NLGN2: variants seen among roughly 807,000 people sequenced by gnomAD.
The protein encoded by NLGN2 is neuroligin 2.
In NLGN2, 11 loss-of-function variants were observed where a neutral mutation model predicts 48.6. The observed-to-expected ratio is 0.23, with a 90% CI of 0.14 to 0.37. The LOEUF (loss-of-function observed/expected upper bound fraction) is 0.37. NLGN2 is among the 10% of genes least tolerant of loss of function. NLGN2 has a pLI of 1.00. For synonymous variants in NLGN2, 548 were observed against 550.0 expected (o/e 1.00, Z 0.05); for missense variants, 801 against 1,225.2 (o/e 0.65, Z 5.17).
In NLGN2 at chr17:7,415,734, C is replaced by G; in HGVS notation, c.1261C>G (p.Pro421Ala). 1 of 1,614,230 alleles carries G rather than the reference C, an allele frequency of 6.2e-7. No homozygotes were observed. Among genetic ancestry groups the G allele is most frequent in the Non-Finnish European group, 8.5e-7 (1 of 1,180,048 alleles). The part of the protein sequence containing the change: ...SNFVDNLYGY[P>A]EGKDVLRETI... The stretch of plus-strand genomic sequence containing the variant: ...CTTTGTGGACAACCTGTATGGCTAC[C>G]CGGAAGGCAAGGATGTGCTTCGGGA... Residue 421 changes from proline (P) to alanine (A), a missense_variant, in exon 6 of 7, where the codon CCG becomes GCG. By Grantham distance (27) the Pro-to-Ala change is conservative. Around this residue, in one of 5 missense-constraint regions of NLGN2, gnomAD observed 303 missense variants for 600.1 expected, o/e 0.50. Transcript: ENST00000302926.
At position 7,415,815 on chromosome 17, in the gene NLGN2, C is replaced by T. The variant is rs1907079422; in HGVS notation, c.1342C>T (p.Arg448Cys). 3 of 1,613,908 alleles carry T rather than the reference C, an allele frequency of 1.9e-6. No homozygotes were observed. Among genetic ancestry groups the T allele is most frequent in the Non-Finnish European group, 1.7e-6 (2 of 1,180,020 alleles). Residue 448 changes from arginine to cysteine, a missense_variant, in exon 6 of 7, where the codon CGC (arginine) becomes TGC (cysteine). Transcript: ENST00000302926. ...WADRDNGEMR[R>C]KTLLALFTDH... Reference sequence around the variant, plus strand: ...CGACCGGGACAATGGCGAAATGCGCCGCAAAACCCTGCTGGCGCTCTTTAC... The same window carrying T: ...CGACCGGGACAATGGCGAAATGCGCTGCAAAACCCTGCTGGCGCTCTTTAC...
chr17:7,411,893 C>CA lies in NLGN2; in HGVS notation c.458-263dup, dbSNP rs1906911262. 6.6e-6 allele frequency among the ~76,000 whole-genome samples: 1 copy of CA among 152,088 alleles called. No homozygotes were observed. Among genetic ancestry groups the CA allele is most frequent in the East Asian group, 1.9e-4 (1 of 5,178 alleles). ...CAGGCCTCAGCCCACTCAGGCACCC[C>CA]ACCCCCCCAAAACCAGCCTTTTCTT... On this transcript the variant is annotated intron_variant, in intron 1 of 6. Coordinates refer to ENST00000302926, the MANE Select transcript of NLGN2 (RefSeq NM_020795.4). The surrounding 1 kb of genome is among the most constrained non-coding windows in gnomAD (Gnocchi z 4.5).
In NLGN2 at chr17:7,415,541, T is replaced by C. The variant is rs1039410018; in HGVS notation, c.1068T>C (p.Asp356=). 5 of 1,614,248 alleles carry C rather than the reference T, an allele frequency of 3.1e-6. No individual in the cohort carries two copies. Among genetic ancestry groups the C allele is most frequent in the Non-Finnish European group, 4.2e-6 (5 of 1,180,026 alleles). The part of the protein sequence containing the change: ...RYHIAFGPVV[D]GDVVPDDPEI... ...ACATCGCCTTTGGGCCCGTGGTGGA[T>C]GGCGACGTGGTCCCCGATGACCCTG... The change falls in exon 6 of 7, where the codon GAT becomes GAC. Residue 356 remains aspartate (D), a synonymous_variant. Transcript: ENST00000302926.
At position 7,418,503 on chromosome 17, in the gene NLGN2, G is replaced by T. The variant is rs557082273; in HGVS notation, c.*704G>T. 6.6e-6 allele frequency: 1 copy of T among 152,386 alleles called. No homozygotes were observed. The highest frequency in any genetic ancestry group is 2.1e-4 in the South Asian group (1 of 4,830). 9.4% of individuals were successfully genotyped at this position (152,386 alleles called of 1,614,324 possible). A position where few individuals can be genotyped will look rare whatever the true frequency, so the allele number is the denominator to read the frequency against. On this transcript the variant is annotated 3_prime_UTR_variant, in exon 7 of 7. Coordinates refer to ENST00000302926, the MANE Select transcript of NLGN2 (RefSeq NM_020795.4). ...GGGGAGGGAGGAGTCCACGCATCCT[G>T]ATGCTGCCTGGAAGCTTATTTTCCC...
chr17:7,412,606 TC>T (rs1419804506), intron 2 of NLGN2, among the ~76,000 whole-genome samples: 8 of 151,198 alleles, frequency 5.3e-5, no homozygotes, highest in African/African-American at 1.9e-4. Flanking sequence ...AAACAACAGT[TC>T]AAAAAAAATT....
At chr17:7,416,412 T>C (rs1171362394) in intron 6 of NLGN2, among the ~76,000 whole-genome samples, 1 of 151,992 alleles carries the variant, frequency 6.6e-6, no homozygotes, top group East Asian at 1.9e-4. Flanking sequence ...GGCTGACTGC[T>C]CAGGTGTGTG....
At chr17:7,416,660 G>A (rs1338051375) in intron 6 of NLGN2, among the ~76,000 whole-genome samples, 1 of 152,050 alleles carries the variant, frequency 6.6e-6, no homozygotes, top group Non-Finnish European at 1.5e-5. Context: ...GGCTATCTCT[G>A]TGTGTGTCCC....
Position 7,417,844 on chromosome 17 carries a change from C to T in NLGN2, c.*45C>T, listed in dbSNP as rs1221702722. Reference sequence around the variant, plus strand: ...TCCTCCCCGGCCCTCCCTGGCCCGGCCACTCCGAAGGCAGGGAGGAGGACT... The same window carrying T: ...TCCTCCCCGGCCCTCCCTGGCCCGGTCACTCCGAAGGCAGGGAGGAGGACT... On this transcript the variant is annotated 3_prime_UTR_variant, in exon 7 of 7. Coordinates refer to ENST00000302926, the MANE Select transcript of NLGN2 (RefSeq NM_020795.4). 1.5e-6 allele frequency: 2 copies of T among 1,351,116 alleles called. No homozygotes were observed. The highest frequency in any genetic ancestry group is 9.4e-7 in the Non-Finnish European group (1 of 1,058,872). 83.7% of individuals were successfully genotyped at this position (1,351,116 alleles called of 1,614,324 possible).
Position 7,408,818 on chromosome 17 carries a change from G to A in NLGN2, c.457+106G>A. ...CTCTAGGGCTCAGAGCTGGGCCTTTGTGGGGGCAGTGAGGGACGGAGTGTC... is the reference window on the plus strand; with the variant it reads ...CTCTAGGGCTCAGAGCTGGGCCTTTATGGGGGCAGTGAGGGACGGAGTGTC... On this transcript the variant is annotated intron_variant, in intron 1 of 6. Coordinates refer to ENST00000302926, the MANE Select transcript of NLGN2 (RefSeq NM_020795.4). The surrounding 1 kb of genome is among the most constrained non-coding windows in gnomAD (Gnocchi z 7.5). 6.3e-7 allele frequency: 1 copy of A among 1,591,424 alleles called. No homozygotes were observed. The highest frequency in any genetic ancestry group is 1.1e-5 in the South Asian group (1 of 89,188).
chr17:7,417,536 CG>C lies in NLGN2; in HGVS notation c.2249del (p.Gly750ValfsTer39). The C allele has an allele frequency of 6.8e-7, 1 of 1,480,642 alleles. No individual in the cohort carries two copies. The highest frequency in any genetic ancestry group is 8.9e-7 in the Non-Finnish European group (1 of 1,119,898). The allele number at this position is 1,480,642 out of a possible 1,614,324, so 91.7% of individuals were successfully genotyped here. ...GGAGCTGGTGTCACTGCAGCTGAAG[CG>C]GGGTGGTGGCGTCGGGGCGGACCCT... ...EEELVSLQLK[R>X]GGGVGADPAE... is the part of the protein sequence containing the mutation. On this transcript the variant is annotated frameshift_variant, in exon 7 of 7. Transcript: ENST00000302926. LOFTEE classifies it high-confidence loss of function.
At chr17:7,409,045 G>A (rs1376875374) in intron 1 of NLGN2, among the ~76,000 whole-genome samples, 1 of 152,080 alleles carries the variant, frequency 6.6e-6, no homozygotes, top group Non-Finnish European at 1.5e-5. Flanking sequence ...CCACGGAGGG[G>A]GAATCAGGTG....
In NLGN2 at chr17:7,415,904, C is replaced by T. The variant is rs766805341; in HGVS notation, c.1431C>T (p.Pro477=). The change falls in exon 6 of 7, where the codon CCC becomes CCT. Residue 477 remains proline, a synonymous_variant. Coordinates refer to ENST00000302926, the MANE Select transcript of NLGN2 (RefSeq NM_020795.4). The part of the protein sequence containing the change: ...TAKLHADYQS[P]VYFYTFYHHC... ...AGCTGCACGCCGACTACCAGTCTCC[C>T]GTCTACTTTTACACCTTCTACCACC... The T allele has an allele frequency of 6.5e-5, 104 of 1,611,904 alleles. No individual in the cohort carries two copies. The Middle Eastern group carries it at 9.9e-4, about 15-fold the overall frequency.
intron 2 of NLGN2, among the ~76,000 whole-genome samples, chr17:7,412,971 T>G (rs1165329448): frequency 6.6e-6 from 1 of 152,122 alleles, no homozygotes; most frequent in Non-Finnish European, 1.5e-5. Flanking sequence ...CCAGCCCCTC[T>G]TCCTGCTCCT....
Position 7,412,220 on chromosome 17 carries a change from A to T in NLGN2, c.508+13A>T, listed in dbSNP as rs1906929002. ...CCGCCAGACACAGGTAGATTTAAAA[A>T]TCCCGCTGCTGCATGTGGTTGCTTA... On this transcript the variant is annotated intron_variant, in intron 2 of 6. Transcript: ENST00000302926. The T allele has an allele frequency of 9.3e-6, 15 of 1,610,636 alleles. No homozygotes were observed. Among genetic ancestry groups the T allele is most frequent in the Non-Finnish European group, 1.3e-5 (15 of 1,177,470 alleles).
At chr17:7,406,653 C>G (rs8065770), upstream of NLGN2, among the ~76,000 whole-genome samples, 503 of 90,096 alleles carry the variant, frequency 5.6e-3, no homozygotes, top group South Asian at 6.4e-3. Context: ...GGTGGGGGGG[C>G]GGGGGGGGGG....
rs375706169 is a variant in NLGN2 at position 7,413,183 on chromosome 17, C to T, written c.508+976C>T. 4.6e-5 allele frequency among the ~76,000 whole-genome samples: 7 copies of T among 152,318 alleles called. No individual in the cohort carries two copies. Among genetic ancestry groups the T allele is most frequent in the African/African-American group, 1.7e-4 (7 of 41,566 alleles). On this transcript the variant is annotated intron_variant, in intron 2 of 6. Coordinates refer to ENST00000302926, the MANE Select transcript of NLGN2 (RefSeq NM_020795.4). The surrounding 1 kb of genome is among the most constrained non-coding windows in gnomAD (Gnocchi z 4.9). Reference sequence around the variant, plus strand: ...GGTGCTGCCCACATAGAAGCTCTGGCGGAAGCAGTCAGGAGCATGGGGGCT... The same window carrying T: ...GGTGCTGCCCACATAGAAGCTCTGGTGGAAGCAGTCAGGAGCATGGGGGCT...
Position 7,414,493 on chromosome 17 carries a change from G to A in NLGN2, c.658G>A (p.Gly220Ser). The change falls in exon 3 of 7, where the codon GGT becomes AGT. Residue 220 changes from glycine (G) to serine (S), a missense_variant and splice_region_variant. By Grantham distance (56) the Gly-to-Ser change is moderately conservative. Around this residue, in one of 5 missense-constraint regions of NLGN2, gnomAD observed 303 missense variants for 600.1 expected, o/e 0.50. Transcript: ENST00000302926. ...GCTCAACTACCGTCTTGGGGTGCTCGGTGAGGGTGGGCAGCCAACTCTGGG... is the reference window on the plus strand; with the variant it reads ...GCTCAACTACCGTCTTGGGGTGCTCAGTGAGGGTGGGCAGCCAACTCTGGG... ...ATLNYRLGVL[G>S]FLSTGDQAAK... 1 of 1,612,368 alleles carries A rather than the reference G, an allele frequency of 6.2e-7. No individual in the cohort carries two copies. The highest frequency in any genetic ancestry group is 8.5e-7 in the Non-Finnish European group (1 of 1,178,510).
In NLGN2 at chr17:7,408,242, G is replaced by A. The variant is rs888436765; in HGVS notation, c.-14G>A. 7.1e-6 allele frequency: 9 copies of A among 1,258,918 alleles called. No homozygotes were observed. Among genetic ancestry groups the A allele is most frequent in the Non-Finnish European group, 9.1e-6 (9 of 993,184 alleles). 78.0% of individuals were successfully genotyped at this position (1,258,918 alleles called of 1,614,324 possible). A position where few individuals can be genotyped will look rare whatever the true frequency, so the allele number is the denominator to read the frequency against. ...GGGGGGTCCCAGGGAGGGAGGGGGG[G>A]TCCCCCGATCAGCATGTGGCTCCTG... On this transcript the variant is annotated 5_prime_UTR_variant, in exon 1 of 7. Transcript: ENST00000302926. The surrounding 1 kb of genome is among the most constrained non-coding windows in gnomAD (Gnocchi z 7.5).
At position 7,415,680 on chromosome 17, in the gene NLGN2, G is replaced by C; in HGVS notation, c.1207G>C (p.Ala403Pro). ...DSAESEDGVS[A>P]SAFDFTVSNF... is the part of the protein sequence containing the mutation. ...TGCAGAGAGCGAGGACGGTGTGTCTGCCAGCGCCTTTGACTTCACTGTCTC... is the reference window on the plus strand; with the variant it reads ...TGCAGAGAGCGAGGACGGTGTGTCTCCCAGCGCCTTTGACTTCACTGTCTC... The change falls in exon 6 of 7, where the codon GCC (alanine) becomes CCC (proline). Residue 403 changes from alanine (A) to proline (P), a missense_variant. Transcript: ENST00000302926. 6.2e-7 allele frequency: 1 copy of C among 1,614,270 alleles called. No individual in the cohort carries two copies. The highest frequency in any genetic ancestry group is 8.5e-7 in the Non-Finnish European group (1 of 1,180,052).
Sources: gnomAD v4.1 joint callset for allele counts (sites outside exome capture counted in the v4.1 genomes callset) on GRCh38, gnomAD v4.1.1 for gene constraint, gnomAD v4.1.1 regional missense constraint, Gnocchi (gnomAD v3.1) non-coding constraint, MANE v1.5 for transcripts, NCBI Gene and HGNC (gene_info 2026-07-23, HGNC 2026-07-21) for gene names.